The following MTHFD1 variants were observed in gnomAD, a reference collection of about 807,000 sequenced individuals.
MTHFD1 encodes the protein C-1-tetrahydrofolate synthase, cytoplasmic.
In MTHFD1, 44 loss-of-function variants were observed where a neutral mutation model predicts 110.3. The observed-to-expected ratio is 0.40, with a 90% CI of 0.31 to 0.51. The LOEUF is 0.51. Among genes scored for constraint, MTHFD1 ranks in the 20% least tolerant of loss-of-function variants. The pLI is 0.60. For missense variants in MTHFD1, 909 were observed against 1,173.1 expected, an observed-to-expected ratio of 0.77 and a Z score of 3.29; for synonymous variants, 402 against 428.8, an observed-to-expected ratio of 0.94 and a Z score of 0.77.
chr14:64,432,619 T>C (rs1033891873), intron 15 of MTHFD1, among the ~76,000 whole-genome samples: 3 of 152,216 alleles, frequency 2.0e-5, no homozygotes, highest in African/African-American at 7.2e-5. Context: ...AGCTTGCATA[T>C]TGCATGCCTC....
chr14:64,447,618 G>A (rs967769389), intron 22 of MTHFD1, among the ~76,000 whole-genome samples: 1 of 151,976 alleles, frequency 6.6e-6, no homozygotes, highest in Non-Finnish European at 1.5e-5. Flanking sequence ...CCACTGGCCT[G>A]ATTCCTAAAG....
chr14:64,434,948 T>TC (rs2078192658), intron 15 of MTHFD1, among the ~76,000 whole-genome samples: 4 of 121,576 alleles, frequency 3.3e-5, no homozygotes, highest in African/African-American at 1.5e-4. Flanking sequence ...CTCCCTCTTT[T>TC]CTTTTTTTTT....
chr14:64,394,820 G>T (rs1265383867), intron 1 of MTHFD1, among the ~76,000 whole-genome samples: 1 of 152,060 alleles, frequency 6.6e-6, no homozygotes, highest in African/African-American at 2.4e-5. Context: ...AAGCAGGAAG[G>T]CCAGGTCCTT....
At chr14:64,421,708 C>T (rs1201666612) in intron 8 of MTHFD1, among the ~76,000 whole-genome samples, 2 of 151,878 alleles carry the variant, frequency 1.3e-5, no homozygotes, top group African/African-American at 4.8e-5. Context: ...ACTGCAAGCT[C>T]CGCCTTGCGG....
intron 18 of MTHFD1, 113 bp from the exon 19 acceptor site, chr14:64,441,272 A>G (rs2078244598): frequency 2.1e-6 from 2 of 932,806 alleles, no homozygotes; most frequent in Non-Finnish European, 3.6e-6. Flanking sequence ...AGGTGAAAGT[A>G]TCAATTGGTC....
chr14:64,444,611 G>A (rs1036331248), intron 21 of MTHFD1, 82 bp from the exon 22 acceptor site: 4 of 1,492,032 alleles, frequency 2.7e-6, no homozygotes, highest in Non-Finnish European at 3.7e-6. Flanking sequence ...GCAGCGTCTT[G>A]CCTTTAACAC....
intron 22 of MTHFD1, 98 bp downstream of exon 22, chr14:64,444,832 T>A: frequency 1.5e-6 from 2 of 1,366,398 alleles, no homozygotes; most frequent in Non-Finnish European, 2.1e-6. Flanking sequence ...GGGTTATTGC[T>A]GTGACCCAGG....
chr14:64,450,849 A>C (rs953841449), intron 24 of MTHFD1, among the ~76,000 whole-genome samples: 1 of 152,126 alleles, frequency 6.6e-6, no homozygotes, highest in African/African-American at 2.4e-5. Flanking sequence ...GTGGGACCAC[A>C]GACATGTACT....
chr14:64,443,275 T>C (rs2078262543), intron 21 of MTHFD1, among the ~76,000 whole-genome samples: 1 of 152,222 alleles, frequency 6.6e-6, no homozygotes, highest in South Asian at 2.1e-4. Context: ...GCTATTGATA[T>C]TTACCATATT....
rs760130182 is a variant in MTHFD1, at chr14:64,454,823, G to A, written c.2666G>A (p.Arg889His). 51 of 1,614,012 alleles carry A rather than the reference G, an allele frequency of 3.2e-5. No individual in the cohort carries two copies. Among genetic ancestry groups the A allele is most frequent in the African/African-American group, 4.0e-5 (3 of 74,902 alleles). Residue 889 changes from arginine (R) to histidine (H), a missense_variant, in exon 26 of 28, where the codon CGC (arginine) becomes CAC (histidine). Physicochemically the swap from Arg to His is conservative, Grantham distance 29 (BLOSUM62 0). Transcript: ENST00000652337. Reference protein sequence around the residue: ...GVPTGFILPIRDIRASVGAGF... With the variant: ...GVPTGFILPIHDIRASVGAGF... ...CCTACAGGCTTCATTCTGCCCATTCGCGACATCCGCGCCAGCGTTGGGGCT... is the reference window on the plus strand; with the variant it reads ...CCTACAGGCTTCATTCTGCCCATTCACGACATCCGCGCCAGCGTTGGGGCT...
At position 64,430,574 on chromosome 14, in the gene MTHFD1, G is replaced by A. The variant is rs138680326; in HGVS notation, c.1311+344G>A. Among the ~76,000 whole-genome samples, 1,399 of 152,104 alleles carry A rather than the reference G, an allele frequency of 9.2e-3. 17 individuals are homozygous for A. Among genetic ancestry groups the A allele is most frequent in the African/African-American group, 0.033 (1,350 of 41,436 alleles). ...GCCTCCCAAAGTGCTGGTATTATAGGCGTGAGCCACCGCACCCAGCCTAGA... is the reference window on the plus strand; with the variant it reads ...GCCTCCCAAAGTGCTGGTATTATAGACGTGAGCCACCGCACCCAGCCTAGA... On this transcript the variant is annotated intron_variant, in intron 13 of 27. Transcript: ENST00000652337.
rs2078441021 is a variant in MTHFD1 at position 64,454,884 on chromosome 14, A to G, written c.2718+9A>G. On this transcript the variant is annotated intron_variant, in intron 26 of 27. Transcript: ENST00000652337. ...ACCCCTTAGTAGGAACGGTAAGTGC[A>G]TGCTGCAAGGGAGTAGTGGGCGCAT... 4 of 1,614,060 alleles carry G rather than the reference A, an allele frequency of 2.5e-6. No individual in the cohort carries two copies. The highest frequency in any genetic ancestry group is 3.4e-6 in the Non-Finnish European group (4 of 1,179,906).
intron 15 of MTHFD1, 140 bp downstream of exon 15, chr14:64,432,001 C>T: frequency 1.4e-6 from 1 of 716,650 alleles, no homozygotes; most frequent in Non-Finnish European, 2.4e-6. Context: ...TCATGATATA[C>T]ATAGCAAAGA....
At chr14:64,427,657 G>A (rs1389038058) in intron 12 of MTHFD1, among the ~76,000 whole-genome samples, 184 bp downstream of exon 12, 1 of 152,218 alleles carries the variant, frequency 6.6e-6, no homozygotes, top group Non-Finnish European at 1.5e-5. Context: ...CCCAGCTCCT[G>A]CTGTCACTGT....
At chr14:64,397,037 G>T (rs375329268) in intron 1 of MTHFD1, among the ~76,000 whole-genome samples, 1 of 131,590 alleles carries the variant, frequency 7.6e-6, no homozygotes, top group South Asian at 2.7e-4. Flanking sequence ...CCCGGGAGGC[G>T]GAGCTTGCAG....
rs2078037724 is a variant in MTHFD1 at position 64,417,965 on chromosome 14, C to T, written c.556C>T (p.Leu186=). ...IVGAPMHDLL[L]WNNATVTTCH... ...TGGGGCCCCGATGCATGACTTGCTTCTGTGGAACAATGCCACAGTGACCAC... is the reference window on the plus strand; with the variant it reads ...TGGGGCCCCGATGCATGACTTGCTTTTGTGGAACAATGCCACAGTGACCAC... The change falls in exon 7 of 28, where the codon CTG becomes TTG. Residue 186 remains leucine, a synonymous_variant. Transcript: ENST00000652337. This position sits in a 1 kb window ranked among gnomAD's most constrained non-coding sequence, Gnocchi z 4.4. 1.9e-6 allele frequency: 3 copies of T among 1,614,050 alleles called. No homozygotes were observed. In the East Asian group the frequency reaches 6.7e-5, roughly 36 times the overall value.
chr14:64,446,732 CG>C, intron 22 of MTHFD1, among the ~76,000 whole-genome samples: 1 of 152,204 alleles, frequency 6.6e-6, no homozygotes, highest in Non-Finnish European at 1.5e-5. Context: ...TTAGTTGAGA[CG>C]GGGTTTCACC....
At chr14:64,412,689 G>C (rs907158711) in intron 4 of MTHFD1, among the ~76,000 whole-genome samples, 164 bp downstream of exon 4, 1 of 146,854 alleles carries the variant, frequency 6.8e-6, no homozygotes, top group African/African-American at 2.5e-5. Flanking sequence ...CCAGGCTGGA[G>C]AGCAATGATG....
At chr14:64,411,370 G>T (rs1366496740) in intron 3 of MTHFD1, among the ~76,000 whole-genome samples, 1 of 152,196 alleles carries the variant, frequency 6.6e-6, no homozygotes, top group Non-Finnish European at 1.5e-5. Flanking sequence ...CCAAAGAGCA[G>T]GATGTCAATT....
Sources: gnomAD v4.1 joint callset for allele counts (sites outside exome capture counted in the v4.1 genomes callset) on GRCh38, gnomAD v4.1.1 for gene constraint, Gnocchi (gnomAD v3.1) non-coding constraint, MANE v1.5 for transcripts, NCBI Gene and HGNC (gene_info 2026-07-23, HGNC 2026-07-21) for gene names.